Variants in DERL3 observed in about 807,000 individuals in gnomAD.
DERL3 encodes derlin 3.
Under a neutral mutation model 23.8 loss-of-function variants are expected in DERL3, and 20 were observed. The ratio of observed to expected loss-of-function variants is 0.84; its 90% CI spans 0.59 to 1.22. DERL3 has a LOEUF of 1.22. Ranked by LOEUF, DERL3 falls within the 50% of genes most tolerant of loss-of-function variation. DERL3 has a pLI of 0.00. For synonymous variants in DERL3, 145 were observed against 132.5 expected, an observed-to-expected ratio of 1.09 and a Z score of -0.65; for missense variants, 319 against 304.1, an observed-to-expected ratio of 1.05 and a Z score of -0.36.
At position 23,834,783 on chromosome 22, in the gene DERL3, C is replaced by A; in HGVS notation, c.*2086G>T. Reference sequence around the variant, plus strand: ...TGTGAGGCTCAGGGCAAGAGGCTCTCTGCCTTTCAGGAACAGCCCTAACCC... The same window carrying A: ...TGTGAGGCTCAGGGCAAGAGGCTCTATGCCTTTCAGGAACAGCCCTAACCC... On this transcript the variant is annotated 3_prime_UTR_variant, in exon 7 of 7. Coordinates refer to ENST00000318109, the MANE Select transcript of DERL3 (RefSeq NM_001002862.3). The A allele has an allele frequency of 6.3e-7, 1 of 1,578,820 alleles. No homozygotes were observed. Among genetic ancestry groups the A allele is most frequent in the Non-Finnish European group, 8.6e-7 (1 of 1,163,924 alleles).
At position 23,836,040 on chromosome 22, in the gene DERL3, GAAC is replaced by G. The variant is rs1468606682; in HGVS notation, c.*826_*828del. On this transcript the variant is annotated 3_prime_UTR_variant, in exon 7 of 7. Coordinates refer to ENST00000318109, the MANE Select transcript of DERL3 (RefSeq NM_001002862.3). The stretch of plus-strand genomic sequence containing the variant: ...ATAAACCACAACATGGACAGGCTTA[GAAC>G]AACAAGGAAAGCTGCCAGGTCAGAA... 15 of 985,374 alleles carry G rather than the reference GAAC, an allele frequency of 1.5e-5. No individual in the cohort carries two copies. The highest frequency in any genetic ancestry group is 1.4e-4 in the South Asian group (3 of 21,288). 61.0% of individuals were successfully genotyped at this position (985,374 alleles called of 1,614,324 possible). A position where few individuals can be genotyped will look rare whatever the true frequency, so the allele number is the denominator to read the frequency against.
Position 23,834,897 on chromosome 22 carries a change from C to G in DERL3, c.*1972G>C, listed in dbSNP as rs1256463091. The G allele has an allele frequency of 3.7e-6, 6 of 1,611,896 alleles. No homozygotes were observed. The Middle Eastern group carries it at 6.6e-4, about 178-fold the overall frequency. On this transcript the variant is annotated 3_prime_UTR_variant, in exon 7 of 7. Coordinates refer to ENST00000318109, the MANE Select transcript of DERL3 (RefSeq NM_001002862.3). The stretch of plus-strand genomic sequence containing the variant: ...GCTCTGCTGTGTCCAGATGGTCAGG[C>G]TACTGCCAGCTGGGGCCTTGCTGCT...
Position 23,835,000 on chromosome 22 carries a change from C to T in DERL3, c.*1869G>A. 6.8e-7 allele frequency: 1 copy of T among 1,472,558 alleles called. No individual in the cohort carries two copies. The highest frequency in any genetic ancestry group is 9.0e-7 in the Non-Finnish European group (1 of 1,113,810). 91.2% of individuals were successfully genotyped at this position (1,472,558 alleles called of 1,614,324 possible). A position where few individuals can be genotyped will look rare whatever the true frequency, so the allele number is the denominator to read the frequency against. ...CCAGCCTGGGTGCAGGAGGGCTGTT[C>T]TAGCTCCAGTGGCACCCATAGCCAG... On this transcript the variant is annotated 3_prime_UTR_variant, in exon 7 of 7. Coordinates refer to ENST00000318109, the MANE Select transcript of DERL3 (RefSeq NM_001002862.3).
intron 2 of DERL3, 27 bp from the exon 3 acceptor site, chr22:23,838,664 G>C: frequency 6.5e-7 from 1 of 1,547,460 alleles, no homozygotes; most frequent in Non-Finnish European, 8.7e-7. Flanking sequence ...GTCAGGTGCG[G>C]GGTGGGTGGG....
In DERL3 at chr22:23,837,055, A is replaced by G; in HGVS notation, c.614+9T>C. On this transcript the variant is annotated intron_variant, in intron 6 of 6. Coordinates refer to ENST00000318109, the MANE Select transcript of DERL3 (RefSeq NM_001002862.3). ...GTGGGGAGAGGGAGGGAGGGCTCTC[A>G]ACACTCACAGGAAGCCAGGGGTCTG... is the stretch of plus-strand genomic sequence containing the variant. The G allele has an allele frequency of 1.2e-6, 2 of 1,613,782 alleles. No homozygotes were observed. The highest frequency in any genetic ancestry group is 1.7e-6 in the Non-Finnish European group (2 of 1,179,836).
Position 23,834,864 on chromosome 22 carries a change from C to T in DERL3, c.*2005G>A, listed in dbSNP as rs2030913282. 6.2e-7 allele frequency: 1 copy of T among 1,612,476 alleles called. No homozygotes were observed. The highest frequency in any genetic ancestry group is 1.3e-5 in the African/African-American group (1 of 74,952). On this transcript the variant is annotated 3_prime_UTR_variant, in exon 7 of 7. Transcript: ENST00000318109. ...CGCGAGCTCTCCTGCCGTCCCTGGG[C>T]CGCCCTGGCTCTGCTGTGTCCAGAT...
At chr22:23,838,234 C>G (rs1373914012) in intron 4 of DERL3, 118 bp downstream of exon 4, 1 of 1,550,458 alleles carries the variant, frequency 6.4e-7, no homozygotes, top group Middle Eastern at 1.7e-4. Context: ...TCAACACATA[C>G]TAAGCTGGAG....
intron 5 of DERL3, 38 bp downstream of exon 5, chr22:23,837,621 G>T: frequency 6.3e-7 from 1 of 1,592,154 alleles, no homozygotes. Flanking sequence ...GAGGGGAGTG[G>T]CCAGCCTGGG....
At position 23,835,810 on chromosome 22, in the gene DERL3, C is replaced by G; in HGVS notation, c.*1059G>C. 8 of 985,494 alleles carry G rather than the reference C, an allele frequency of 8.1e-6. No homozygotes were observed. Among genetic ancestry groups the G allele is most frequent in the Non-Finnish European group, 9.6e-6 (8 of 829,966 alleles). 61.0% of individuals were successfully genotyped at this position (985,494 alleles called of 1,614,324 possible). On this transcript the variant is annotated 3_prime_UTR_variant, in exon 7 of 7. Coordinates refer to ENST00000318109, the MANE Select transcript of DERL3 (RefSeq NM_001002862.3). ...GATGGAAGGAACCTTGGCTGCCTCA[C>G]CCCACAGGTCGGGCAGGGCCACCTG... is the stretch of plus-strand genomic sequence containing the variant.
Position 23,836,806 on chromosome 22 carries a change from A to G in DERL3, c.*63T>C, listed in dbSNP as rs980264904. On this transcript the variant is annotated 3_prime_UTR_variant, in exon 7 of 7. Transcript: ENST00000318109. ...TTTAGGATGGGTTTTTTCTGCCCCA[A>G]GTAGGGGTCATGGGTAGGATGGAAG... The G allele has an allele frequency of 3.0e-5, 42 of 1,421,906 alleles. No individual in the cohort carries two copies. The highest frequency in any genetic ancestry group is 3.8e-5 in the Non-Finnish European group (41 of 1,087,132). The allele number at this position is 1,421,906 out of a possible 1,614,324, so 88.1% of individuals were successfully genotyped here. A position where few individuals can be genotyped will look rare whatever the true frequency, so the allele number is the denominator to read the frequency against.
rs547641830 is a variant in DERL3 at position 23,837,952 on chromosome 22, A to G, written c.328-98T>C. 3.9e-4 allele frequency: 511 copies of G among 1,312,290 alleles called. 7 individuals are homozygous for G. In the South Asian group the frequency reaches 6.4e-3, roughly 17 times the overall value. The allele number at this position is 1,312,290 out of a possible 1,614,324, so 81.3% of individuals were successfully genotyped here. On this transcript the variant is annotated intron_variant, in intron 4 of 6. Transcript: ENST00000318109. The stretch of plus-strand genomic sequence containing the variant: ...TGGAATTCTTCCCCTCATCTCCCCT[A>G]TGTGCTATTCCCTCATCAAGATGAG...
At position 23,836,671 on chromosome 22, in the gene DERL3, G is replaced by A. The variant is rs950819212; in HGVS notation, c.*198C>T. 1.6e-5 allele frequency: 21 copies of A among 1,275,374 alleles called. No individual in the cohort carries two copies. The highest frequency in any genetic ancestry group is 8.1e-5 in the Admixed American group (2 of 24,570). The allele number at this position is 1,275,374 out of a possible 1,614,324, so 79.0% of individuals were successfully genotyped here. ...CTGAGAGGCCACACTGAGTGAGGAC[G>A]GGGCAGGCATAGAAGGATGTGGCCA... On this transcript the variant is annotated 3_prime_UTR_variant, in exon 7 of 7. Transcript: ENST00000318109.
chr22:23,838,189 GCCCTGAC>G, intron 4 of DERL3, 156 bp downstream of exon 4: 2 of 1,546,346 alleles, frequency 1.3e-6, no homozygotes, highest in Non-Finnish European at 1.7e-6. Flanking sequence ...TGAAGATCTA[GCCCTGAC>G]CCCTGCAGCT....
At position 23,838,886 on chromosome 22, in the gene DERL3, GC is replaced by G; in HGVS notation, c.93+8del. 6.4e-7 allele frequency: 1 copy of G among 1,557,238 alleles called. No individual in the cohort carries two copies. The highest frequency in any genetic ancestry group is 8.7e-7 in the Non-Finnish European group (1 of 1,150,302). On this transcript the variant is annotated splice_region_variant and intron_variant, in intron 1 of 6. Coordinates refer to ENST00000318109, the MANE Select transcript of DERL3 (RefSeq NM_001002862.3). ...ACCAAGGCGACGTCCGGTCCGCCCGGCCGCTTACCACCGCGGCGGTGGTGAG... is the reference window on the plus strand; with the variant it reads ...ACCAAGGCGACGTCCGGTCCGCCCGGCGCTTACCACCGCGGCGGTGGTGAG...
chr22:23,838,275 G>T (rs1483806654), intron 4 of DERL3, 77 bp downstream of exon 4: 1 of 1,553,180 alleles, frequency 6.4e-7, no homozygotes, highest in East Asian at 2.4e-5. Context: ...TGGCATGGCT[G>T]TGTTGGCCCC....
rs780721767 is a variant in DERL3, at chr22:23,836,978, C to T, written c.615-16G>A. On this transcript the variant is annotated splice_polypyrimidine_tract_variant and intron_variant, in intron 6 of 6. Transcript: ENST00000318109. The stretch of plus-strand genomic sequence containing the variant: ...GAGCAGCTTTCTGTGGGGAGGGGCC[C>T]GTGTTGAGCACAGGCCAGCACAGGT... The T allele has an allele frequency of 1.4e-5, 23 of 1,589,130 alleles. No homozygotes were observed. The highest frequency in any genetic ancestry group is 1.7e-4 in the Middle Eastern group (1 of 5,954).
chr22:23,837,312 C>T lies in DERL3; in HGVS notation c.524-158G>A, dbSNP rs2070461. On this transcript the variant is annotated intron_variant, in intron 5 of 6. Transcript: ENST00000318109. ...CACAGAGTGCCAGCCCCGGGTTGGCCGTGAAGGACAAGCTTAAAAGGCCCA... is the reference window on the plus strand; with the variant it reads ...CACAGAGTGCCAGCCCCGGGTTGGCTGTGAAGGACAAGCTTAAAAGGCCCA... 98,906 of 984,434 alleles carry T rather than the reference C, an allele frequency of 0.1. 5,847 individuals carry two copies. The highest frequency in any genetic ancestry group is 0.17 in the East Asian group (6,268 of 37,852). 61.0% of individuals were successfully genotyped at this position (984,434 alleles called of 1,614,324 possible).
In DERL3 at chr22:23,838,938, G is replaced by A. The variant is rs2031345473; in HGVS notation, c.50C>T (p.Thr17Met). The part of the protein sequence containing the change: ...AAEFLQVPAV[T>M]RAYTAACVLT... ...GACACAGGCTGCGGTGTAAGCCCGC[G>A]TCACCGCCGGCACCTGCAGGAACTC... is the stretch of plus-strand genomic sequence containing the variant. The change falls in exon 1 of 7, where the codon ACG becomes ATG. Residue 17 changes from threonine to methionine, a missense_variant. Physicochemically the swap from Thr to Met is moderately conservative, Grantham distance 81 (BLOSUM62 -1). Transcript: ENST00000318109. 2 of 1,581,226 alleles carry A rather than the reference G, an allele frequency of 1.3e-6. No individual in the cohort carries two copies. The highest frequency in any genetic ancestry group is 1.7e-6 in the Non-Finnish European group (2 of 1,163,808).
In DERL3 at chr22:23,836,945, G is replaced by A. The variant is rs1128127; in HGVS notation, c.632C>T (p.Ala211Val). The A allele has an allele frequency of 0.15, 236,768 of 1,584,594 alleles. 23,167 individuals are homozygous for A. Among genetic ancestry groups the A allele is most frequent in the African/African-American group, 0.47 (34,428 of 73,856 alleles). The change falls in exon 7 of 7, where the codon GCC (alanine) becomes GTC (valine). Residue 211 changes from alanine (A) to valine (V), a missense_variant. Coordinates refer to ENST00000318109, the MANE Select transcript of DERL3 (RefSeq NM_001002862.3). ...CAGGTAATTGGGGTCTTCTGCAGGG[G>A]CATCCAGGAGCAGCTTTCTGTGGGG... ...TPGFLKLLLD[A>V]PAEDPNYLPL...
Sources: gnomAD v4.1 joint callset for allele counts on GRCh38, gnomAD v4.1.1 for gene constraint, MANE v1.5 for transcripts, NCBI Gene and HGNC (gene_info 2026-07-23, HGNC 2026-07-21) for gene names.